Variants in GMDS observed in about 807,000 individuals in gnomAD.
The protein encoded by GMDS is GDP-mannose 4,6-dehydratase.
Under a neutral mutation model 49.9 loss-of-function variants are expected in GMDS, and 20 were observed. The observed-to-expected ratio is 0.40, with a 90% confidence interval of 0.28 to 0.58. The LOEUF is 0.58. GMDS is among the 20% of genes least tolerant of loss of function. The pLI is 0.42. For missense variants in GMDS, 362 were observed against 481.4 expected (o/e 0.75, Z 2.32); for synonymous variants, 177 against 178.6 (o/e 0.99, Z 0.07).
Position 2,224,237 on chromosome 6 carries a change from G to A in GMDS, c.102+21084C>T, listed in dbSNP as rs571540393. Among the ~76,000 whole-genome samples the A allele has an allele frequency of 3.2e-4, 48 of 152,326 alleles. No individual in the cohort carries two copies. The South Asian group carries it at 6.6e-3, about 21-fold the overall frequency. On this transcript the variant is annotated intron_variant, in intron 1 of 10. Transcript: ENST00000380815. Reference sequence around the variant, plus strand: ...GCCACTGGGCTGTGAAACAAAGGCTGGGGGAATAATGAGAAAGATACTGAC... The same window carrying A: ...GCCACTGGGCTGTGAAACAAAGGCTAGGGGAATAATGAGAAAGATACTGAC...
chr6:1,624,159 G>C lies in GMDS; in HGVS notation c.*10C>G, dbSNP rs370392895. 2 of 1,606,490 alleles carry C rather than the reference G, an allele frequency of 1.2e-6. No homozygotes were observed. Among genetic ancestry groups the C allele is most frequent in the Non-Finnish European group, 1.7e-6 (2 of 1,178,924 alleles). On this transcript the variant is annotated 3_prime_UTR_variant, in exon 11 of 11. Coordinates refer to ENST00000380815, the MANE Select transcript of GMDS (RefSeq NM_001500.4). Reference sequence around the variant, plus strand: ...GTAGCCGGAGGGCGGGCCGGGCTCCGAGGCGCTGCTCAGGCATTGGGGTTT... The same window carrying C: ...GTAGCCGGAGGGCGGGCCGGGCTCCCAGGCGCTGCTCAGGCATTGGGGTTT...
chr6:1,954,650 T>C (rs781327387), intron 6 of GMDS, among the ~76,000 whole-genome samples: 3 of 152,228 alleles, frequency 2.0e-5, no homozygotes, highest in Admixed American at 6.5e-5. Context: ...TGTTGATCCA[T>C]AAGAAGCAGC....
At chr6:1,859,274 T>C (rs1561849981) in intron 7 of GMDS, among the ~76,000 whole-genome samples, 1 of 152,180 alleles carries the variant, frequency 6.6e-6, no homozygotes, top group Non-Finnish European at 1.5e-5. Context: ...TGTCTGCAAA[T>C]GCTGCTGCTT....
At chr6:2,231,761 C>T (rs1781120918) in intron 1 of GMDS, among the ~76,000 whole-genome samples, 1 of 152,150 alleles carries the variant, frequency 6.6e-6, no homozygotes, top group Non-Finnish European at 1.5e-5. Flanking sequence ...ACATTCAGTT[C>T]CACTCTAGAT....
chr6:2,174,699 C>T (rs747490397), intron 1 of GMDS, among the ~76,000 whole-genome samples: 10 of 152,100 alleles, frequency 6.6e-5, no homozygotes, highest in Non-Finnish European at 7.4e-5. Flanking sequence ...TCCCGAGTAG[C>T]TAGGACTGCA....
At chr6:1,701,146 C>G (rs1765529823) in intron 9 of GMDS, among the ~76,000 whole-genome samples, 1 of 152,208 alleles carries the variant, frequency 6.6e-6, no homozygotes, top group South Asian at 2.1e-4. Flanking sequence ...CTTCCTGTCT[C>G]TCTGCCTCTC....
chr6:2,211,834 C>T (rs560145746), intron 1 of GMDS, among the ~76,000 whole-genome samples: 18 of 152,278 alleles, frequency 1.2e-4, no homozygotes, highest in East Asian at 5.8e-4. Flanking sequence ...ACCAAGTTTA[C>T]GACTTCCAGT....
In GMDS at chr6:1,667,509, C is replaced by T. The variant is rs1343638842; in HGVS notation, c.988-42969G>A. On this transcript the variant is annotated intron_variant, in intron 9 of 10. Transcript: ENST00000380815. Reference sequence around the variant, plus strand: ...CAGCAGTGAGAAGAAGCTGACTAAGCCTAAACATTTTTTAACAGCAATCTT... The same window carrying T: ...CAGCAGTGAGAAGAAGCTGACTAAGTCTAAACATTTTTTAACAGCAATCTT... Among the ~76,000 whole-genome samples the T allele has an allele frequency of 2.0e-5, 3 of 152,244 alleles. No homozygotes were observed. The South Asian group carries it at 6.2e-4, about 32-fold the overall frequency.
intron 6 of GMDS, among the ~76,000 whole-genome samples, chr6:1,941,996 A>T (rs78519625): frequency 0.033 from 5,017 of 152,242 alleles, 125 homozygotes; most frequent in South Asian, 0.069. Flanking sequence ...AGTCGGAGGG[A>T]GAACCTTCGC....
In GMDS at chr6:1,631,451, T is replaced by G. The variant is rs549389494; in HGVS notation, c.988-6911A>C. 2.0e-5 allele frequency among the ~76,000 whole-genome samples: 3 copies of G among 152,268 alleles called. No individual in the cohort carries two copies. In the South Asian group the frequency reaches 6.2e-4, roughly 32 times the overall value. ...GGAAGGTAATTTTCCTTAAGCTTGTTTCCTTCTAGTTTGTTAGGAAATCTA... is the reference window on the plus strand; with the variant it reads ...GGAAGGTAATTTTCCTTAAGCTTGTGTCCTTCTAGTTTGTTAGGAAATCTA... On this transcript the variant is annotated intron_variant, in intron 9 of 10. Transcript: ENST00000380815.
intron 4 of GMDS, among the ~76,000 whole-genome samples, chr6:2,062,463 T>A (rs749232079): frequency 1.3e-5 from 2 of 152,164 alleles, no homozygotes; most frequent in Non-Finnish European, 2.9e-5. Context: ...TCACTGGGAC[T>A]GACGTGGATA....
intron 4 of GMDS, among the ~76,000 whole-genome samples, chr6:1,998,463 T>C (rs905331840): frequency 6.6e-6 from 1 of 152,060 alleles, no homozygotes; most frequent in African/African-American, 2.4e-5. Flanking sequence ...CTAAAAAGTA[T>C]AGAGCAATAA....
intron 9 of GMDS, among the ~76,000 whole-genome samples, chr6:1,646,008 G>A (rs903949730): frequency 1.3e-5 from 2 of 152,308 alleles, no homozygotes; most frequent in Middle Eastern, 3.4e-3. Context: ...AGAGGCACTC[G>A]ATCGGTATTT....
chr6:1,914,774 T>A (rs145647431), intron 7 of GMDS, among the ~76,000 whole-genome samples: 118 of 152,320 alleles, frequency 7.7e-4, no homozygotes, highest in Non-Finnish European at 1.4e-3. Context: ...CAACTACCCA[T>A]CATTCTTGAC....
chr6:2,225,071 G>A (rs985554248), intron 1 of GMDS, among the ~76,000 whole-genome samples: 4 of 151,978 alleles, frequency 2.6e-5, no homozygotes, highest in Non-Finnish European at 4.4e-5. Context: ...TGTAACCTCA[G>A]CACTTTGGGA....
Position 1,722,494 on chromosome 6 carries a change from G to C in GMDS, c.987+3922C>G, listed in dbSNP as rs1042200787. Among the ~76,000 whole-genome samples the C allele has an allele frequency of 3.3e-5, 5 of 152,176 alleles. No homozygotes were observed. The East Asian group carries it at 5.8e-4, about 18-fold the overall frequency. On this transcript the variant is annotated intron_variant, in intron 9 of 10. Transcript: ENST00000380815. The stretch of plus-strand genomic sequence containing the variant: ...TAGCACAGTGTTTGATAAATACTTA[G>C]TGCATGAATGAATGGTTAAGAACAA...
intron 1 of GMDS, among the ~76,000 whole-genome samples, chr6:2,200,010 T>A (rs1779437325): frequency 6.6e-6 from 1 of 152,234 alleles, no homozygotes; most frequent in South Asian, 2.1e-4. Context: ...GTTATACATA[T>A]GAACACTGTG....
At chr6:2,079,015 TTGTC>T (rs1449255365) in intron 4 of GMDS, among the ~76,000 whole-genome samples, 1 of 133,454 alleles carries the variant, frequency 7.5e-6, no homozygotes, top group African/African-American at 3.0e-5. Flanking sequence ...CATAATGACC[TTGTC>T]TTTTTTTTTT....
chr6:1,792,011 G>A (rs1440244345), intron 7 of GMDS, among the ~76,000 whole-genome samples: 1 of 152,086 alleles, frequency 6.6e-6, no homozygotes, highest in Non-Finnish European at 1.5e-5. Context: ...CGATGTATTT[G>A]AGGAATTAAC....
Sources: allele counts gnomAD v4.1 joint callset (sites outside exome capture counted in the v4.1 genomes callset), GRCh38; gene constraint gnomAD v4.1.1; transcripts MANE v1.5; gene names NCBI Gene and HGNC (gene_info 2026-07-23, HGNC 2026-07-21).